The following RNF130 variants were observed in gnomAD, a reference collection of about 807,000 sequenced individuals.
RNF130 encodes E3 ubiquitin-protein ligase RNF130.
A neutral mutation model predicts 44.6 loss-of-function variants in RNF130; 21 were observed. That is an observed-to-expected ratio of 0.47 (90% CI 0.33 to 0.68). RNF130 has a LOEUF of 0.68. RNF130 is among the 30% of genes least tolerant of loss of function. The pLI, the probability that RNF130 is intolerant of heterozygous loss-of-function variation, is 0.02. For missense variants in RNF130, 479 were observed against 560.6 expected, an observed-to-expected ratio of 0.85 and a Z score of 1.47; for synonymous variants, 214 against 210.4, an observed-to-expected ratio of 1.02 and a Z score of -0.15.
intron 7 of RNF130, chr5:179,964,121 A>G (rs1762389914): frequency 6.6e-6 from 1 of 152,570 alleles, no homozygotes; most frequent in African/African-American, 2.4e-5. Context: ...ATTTACGTAA[A>G]AAGGACATCT....
intron 1 of RNF130, among the ~76,000 whole-genome samples, chr5:180,046,014 G>A (rs1199159842): frequency 6.6e-6 from 1 of 152,172 alleles, no homozygotes; most frequent in Non-Finnish European, 1.5e-5. Context: ...GGCAGCGCTC[G>A]CCGGGGAGGC....
At chr5:180,058,764 G>A (rs542027519) in intron 1 of RNF130, among the ~76,000 whole-genome samples, 2 of 152,226 alleles carry the variant, frequency 1.3e-5, no homozygotes, top group African/African-American at 2.4e-5. Context: ...GTTTCACCAT[G>A]TTAGCCAGGC....
intron 3 of RNF130, among the ~76,000 whole-genome samples, chr5:179,999,872 G>C (rs1763295123): frequency 6.6e-6 from 1 of 152,108 alleles, no homozygotes; most frequent in Non-Finnish European, 1.5e-5. Context: ...TGGTAGGTGA[G>C]GACTTATTCC....
chr5:180,035,156 T>C (rs774073995), intron 2 of RNF130, among the ~76,000 whole-genome samples: 6 of 152,230 alleles, frequency 3.9e-5, no homozygotes, highest in Non-Finnish European at 7.3e-5. Context: ...TTTACTGACC[T>C]AGGTATTTAA....
rs1248726271 is a variant in RNF130, at chr5:179,966,974, T to C, written c.982A>G (p.Met328Val). ...GCTTGGGTTCTGGTGAGCCTTTCCA[T>C]ATCGAATGCTACGTTATCAGTACAT... ...LPCTDNVAFD[M>V]ERLTRTQAVN... The change falls in exon 7 of 9, where the codon ATG (methionine) becomes GTG (valine). Residue 328 changes from methionine to valine, a missense_variant. Coordinates refer to ENST00000521389, the MANE Select transcript of RNF130 (RefSeq NM_018434.6). The C allele has an allele frequency of 6.2e-7, 1 of 1,614,220 alleles. No homozygotes were observed. The highest frequency in any genetic ancestry group is 1.7e-5 in the Admixed American group (1 of 60,032).
At chr5:179,937,951 A>T (rs1169187384) in intron 7 of RNF130, among the ~76,000 whole-genome samples, 1 of 150,716 alleles carries the variant, frequency 6.6e-6, no homozygotes, top group Non-Finnish European at 1.5e-5. Flanking sequence ...AGAGAGAGAG[A>T]GAGAGAGAGA....
intron 5 of RNF130, among the ~76,000 whole-genome samples, chr5:179,975,364 C>T (rs189610633): frequency 1.3e-5 from 2 of 152,250 alleles, no homozygotes; most frequent in East Asian, 1.9e-4. Context: ...TGTGGGTGGG[C>T]GCTACTGACA....
At chr5:179,927,158 G>A (rs1247777643) in intron 7 of RNF130, among the ~76,000 whole-genome samples, 2 of 152,208 alleles carry the variant, frequency 1.3e-5, no homozygotes, top group Non-Finnish European at 2.9e-5. Context: ...ACTTAAGTCA[G>A]TAATCTACAT....
chr5:179,965,043 A>C (rs1360127861), intron 7 of RNF130, among the ~76,000 whole-genome samples: 5 of 152,132 alleles, frequency 3.3e-5, no homozygotes, highest in African/African-American at 4.8e-5. Flanking sequence ...CTTCTTGGAG[A>C]CTTTTATATA....
At chr5:179,963,990 G>T (rs1471160445) in intron 7 of RNF130, 2 of 175,858 alleles carry the variant, frequency 1.1e-5, no homozygotes, top group Non-Finnish European at 2.4e-5. Flanking sequence ...TTAGTCAAAG[G>T]CTGAGGAGCA....
chr5:179,927,567 CCA>C (rs1761722712), intron 7 of RNF130, among the ~76,000 whole-genome samples: 1 of 151,616 alleles, frequency 6.6e-6, no homozygotes, highest in South Asian at 2.1e-4. Context: ...CAGACTTCTC[CCA>C]CACAGTTTAG....
chr5:179,928,964 A>G (rs1029965893), intron 7 of RNF130, among the ~76,000 whole-genome samples: 1 of 152,128 alleles, frequency 6.6e-6, no homozygotes, highest in Non-Finnish European at 1.5e-5. Context: ...AAATTTCTTA[A>G]TTTTAGTGTG....
At position 179,965,960 on chromosome 5, in the gene RNF130, C is replaced by T. The variant is rs189233862; in HGVS notation, c.1150+846G>A. ...GGGTCCCACGAGCCTCAGGGCGTGACGTGCTAGGCAAGCAGCAGCAGGTGC... is the reference window on the plus strand; with the variant it reads ...GGGTCCCACGAGCCTCAGGGCGTGATGTGCTAGGCAAGCAGCAGCAGGTGC... On this transcript the variant is annotated intron_variant, in intron 7 of 8. Transcript: ENST00000521389. 5.3e-5 allele frequency among the ~76,000 whole-genome samples: 8 copies of T among 152,268 alleles called. No individual in the cohort carries two copies. In the East Asian group the frequency reaches 5.8e-4, roughly 11 times the overall value.
intron 3 of RNF130, among the ~76,000 whole-genome samples, chr5:180,005,264 C>T (rs1208323050): frequency 6.6e-6 from 1 of 152,108 alleles, no homozygotes; most frequent in Non-Finnish European, 1.5e-5. Context: ...CCCGTCTCTA[C>T]TAAAAATACA....
intron 1 of RNF130, among the ~76,000 whole-genome samples, chr5:180,048,658 T>C (rs979488253): frequency 6.6e-6 from 1 of 152,144 alleles, no homozygotes; most frequent in Admixed American, 6.6e-5. Flanking sequence ...AGAGGGAATT[T>C]ATCCTGTCTC....
chr5:180,024,843 G>A (rs1052483510), intron 2 of RNF130, among the ~76,000 whole-genome samples: 2 of 151,926 alleles, frequency 1.3e-5, no homozygotes, highest in Admixed American at 1.3e-4. Context: ...TCCTCTAAAC[G>A]CTCCTCAAAC....
At chr5:179,952,010 T>C (rs1762133384), downstream of RNF130, among the ~76,000 whole-genome samples, 3 of 151,956 alleles carry the variant, frequency 2.0e-5, no homozygotes, top group Middle Eastern at 3.4e-3. Context: ...AAACTAAACC[T>C]AAACCAAGTA....
At chr5:179,974,222 C>T (rs572103087) in intron 5 of RNF130, among the ~76,000 whole-genome samples, 55 of 152,334 alleles carry the variant, frequency 3.6e-4, no homozygotes, top group African/African-American at 1.3e-3. Flanking sequence ...GAGCCTCAGA[C>T]ATCTGCAGCG....
intron 1 of RNF130, among the ~76,000 whole-genome samples, chr5:180,054,420 G>T (rs1764760061): frequency 6.6e-6 from 1 of 152,174 alleles, no homozygotes; most frequent in Admixed American, 6.5e-5. Flanking sequence ...CTTAGCTTTT[G>T]AGACAATGCA....
Sources: gnomAD v4.1 joint callset for allele counts (sites outside exome capture counted in the v4.1 genomes callset) on GRCh38, gnomAD v4.1.1 for gene constraint, MANE v1.5 for transcripts, NCBI Gene and HGNC (gene_info 2026-07-23, HGNC 2026-07-21) for gene names.